Variants in GRAMD4 observed in about 807,000 individuals in gnomAD.
GRAMD4 encodes GRAM domain-containing protein 4.
GRAMD4 carries 25 observed loss-of-function variants against 83.9 expected under a neutral mutation model. That is an observed-to-expected ratio of 0.30 (90% CI 0.22 to 0.42). GRAMD4 has a LOEUF of 0.42. GRAMD4 is among the 10% of genes least tolerant of loss of function. The pLI is 1.00. For synonymous variants in GRAMD4, 336 were observed against 320.9 expected, an observed-to-expected ratio of 1.05 and a Z score of -0.50; for missense variants, 593 against 788.7, an observed-to-expected ratio of 0.75 and a Z score of 2.97.
chr22:46,615,421 C>T (rs2081467929), upstream of GRAMD4, among the ~76,000 whole-genome samples: 1 of 118,394 alleles, frequency 8.4e-6, no homozygotes, highest in African/African-American at 3.4e-5. Flanking sequence ...TTGTGGGTTC[C>T]CCCATGTGTA....
chr22:46,620,356 C>T, upstream of GRAMD4: 1 of 985,596 alleles, frequency 1.0e-6, no homozygotes, highest in South Asian at 4.7e-5. This position sits in a 1 kb window ranked among gnomAD's most constrained non-coding sequence, Gnocchi z 4.7. Flanking sequence ...ACCTGGACAG[C>T]CGTGGTGAGC....
chr22:46,636,644 A>T (rs902895506), intron 2 of GRAMD4, among the ~76,000 whole-genome samples: 39 of 152,320 alleles, frequency 2.6e-4, no homozygotes, highest in African/African-American at 7.7e-4. Flanking sequence ...CAGCTGGAGA[A>T]ATCGGGTCGC....
intron 10 of GRAMD4, 121 bp downstream of exon 10, chr22:46,666,994 C>T (rs1387855588): frequency 4.0e-5 from 27 of 672,672 alleles, no homozygotes; most frequent in Non-Finnish European, 7.2e-6. Context: ...CCCTGGAGTC[C>T]TGGCCTGGCC....
At chr22:46,663,978 C>A in intron 7 of GRAMD4, 48 bp from the exon 8 acceptor site, 1 of 1,567,212 alleles carries the variant, frequency 6.4e-7, no homozygotes, top group Non-Finnish European at 8.8e-7. Flanking sequence ...CGTGGTTAAG[C>A]GGCCTCCTAC....
At chr22:46,613,450 A>T (rs1291322142) in intron 1 of GRAMD4, among the ~76,000 whole-genome samples, 1 of 152,236 alleles carries the variant, frequency 6.6e-6, no homozygotes, top group African/African-American at 2.4e-5. Context: ...GAGGGCCAGG[A>T]TGCAACCCCT....
At chr22:46,671,773 G>A (rs2082510249) in intron 13 of GRAMD4, among the ~76,000 whole-genome samples, 1 of 152,164 alleles carries the variant, frequency 6.6e-6, no homozygotes, top group African/African-American at 2.4e-5. Context: ...CCGGGAGGTT[G>A]CAGTGAGCTG....
At chr22:46,636,974 G>A (rs1341939070) in intron 2 of GRAMD4, among the ~76,000 whole-genome samples, 2 of 152,230 alleles carry the variant, frequency 1.3e-5, no homozygotes, top group Non-Finnish European at 2.9e-5. Context: ...CACTGGGGCT[G>A]TGAGCCGCGG....
At chr22:46,656,793 C>T (rs759153287) in intron 3 of GRAMD4, among the ~76,000 whole-genome samples, 14 of 152,222 alleles carry the variant, frequency 9.2e-5, no homozygotes, top group African/African-American at 2.7e-4. Flanking sequence ...CTCCAGCAAA[C>T]GCTCTTCTCC....
chr22:46,655,948 G>A (rs1046867194), intron 3 of GRAMD4, among the ~76,000 whole-genome samples: 22 of 152,170 alleles, frequency 1.4e-4, no homozygotes, highest in Non-Finnish European at 2.9e-4. Flanking sequence ...GCCGTGCCAG[G>A]GCCAGACGCT....
intron 9 of GRAMD4, among the ~76,000 whole-genome samples, chr22:46,666,553 T>G (rs976594670): frequency 6.6e-6 from 1 of 152,222 alleles, no homozygotes; most frequent in Non-Finnish European, 1.5e-5. Flanking sequence ...CTTTGGATGT[T>G]GAAGGGCCGC....
At chr22:46,660,188 C>T (rs1160170830) in intron 4 of GRAMD4, among the ~76,000 whole-genome samples, 6 of 152,330 alleles carry the variant, frequency 3.9e-5, no homozygotes, top group South Asian at 4.1e-4. Context: ...AGCCCCATCT[C>T]GCACAGTCTC....
rs1036224612 is a variant in GRAMD4 at position 46,677,569 on chromosome 22, G to A, written c.*318G>A. ...AGGACCCCTGGCCCTGCCCTTCTCCGTTCCAGCCTGGACAGAGAAACCTCT... is the reference window on the plus strand; with the variant it reads ...AGGACCCCTGGCCCTGCCCTTCTCCATTCCAGCCTGGACAGAGAAACCTCT... On this transcript the variant is annotated 3_prime_UTR_variant, in exon 19 of 19. Transcript: ENST00000406902. The A allele has an allele frequency of 8.1e-6, 9 of 1,111,386 alleles. No individual in the cohort carries two copies. Among genetic ancestry groups the A allele is most frequent in the East Asian group, 5.3e-5 (1 of 18,862 alleles). 68.8% of individuals were successfully genotyped at this position (1,111,386 alleles called of 1,614,324 possible).
At chr22:46,654,496 C>T (rs2082213915) in intron 3 of GRAMD4, among the ~76,000 whole-genome samples, 1 of 152,204 alleles carries the variant, frequency 6.6e-6, no homozygotes, top group South Asian at 2.1e-4. Context: ...AGCCGGCCCT[C>T]AAGTGGCTCC....
At chr22:46,605,217 G>C (rs975128664) in intron 1 of GRAMD4, among the ~76,000 whole-genome samples, 1 of 151,938 alleles carries the variant, frequency 6.6e-6, no homozygotes, top group African/African-American at 2.4e-5. Flanking sequence ...TGTCCTCTGG[G>C]TTCACCCAGG....
In GRAMD4 at chr22:46,581,480, T is replaced by C. The variant is rs865841363; in HGVS notation, c.-50+4190T>C. On this transcript the variant is annotated intron_variant, in intron 1 of 1. Coordinates refer to the GRAMD4 transcript ENST00000431155. Reference sequence around the variant, plus strand: ...CCCCCAAGGCTATGCTCATAAACATTGCAGCCTTTCTGCCTTCCTGATAAC... The same window carrying C: ...CCCCCAAGGCTATGCTCATAAACATCGCAGCCTTTCTGCCTTCCTGATAAC... 5.6e-4 allele frequency among the ~76,000 whole-genome samples: 85 copies of C among 152,376 alleles called. 1 individual carries two copies. Among genetic ancestry groups the C allele is most frequent in the African/African-American group, 2.0e-3 (82 of 41,592 alleles).
At chr22:46,640,786 G>C (rs376602152) in intron 3 of GRAMD4, among the ~76,000 whole-genome samples, 4 of 152,022 alleles carry the variant, frequency 2.6e-5, no homozygotes, top group African/African-American at 9.7e-5. Flanking sequence ...AGGCTTCCCC[G>C]ACACGCCCTC....
intron 1 of GRAMD4, among the ~76,000 whole-genome samples, chr22:46,582,766 A>G (rs1261542147): frequency 1.3e-5 from 2 of 152,200 alleles, no homozygotes; most frequent in African/African-American, 4.8e-5. Context: ...CACACATCAT[A>G]CAACACACTC....
In GRAMD4 at chr22:46,675,561, A is replaced by G. The variant is rs775989750; in HGVS notation, c.1563+9A>G. 29 of 1,571,600 alleles carry G rather than the reference A, an allele frequency of 1.8e-5. No homozygotes were observed. In the East Asian group the frequency reaches 5.8e-4, roughly 32 times the overall value. On this transcript the variant is annotated intron_variant, in intron 17 of 18. Transcript: ENST00000406902. ...TCACGGACATCCAGAAGGTTGGTGCACCTACCCACCCCCACTAACCCCCGT... is the reference window on the plus strand; with the variant it reads ...TCACGGACATCCAGAAGGTTGGTGCGCCTACCCACCCCCACTAACCCCCGT...
At chr22:46,603,102 G>A (rs997926455) in intron 1 of GRAMD4, among the ~76,000 whole-genome samples, 7 of 151,594 alleles carry the variant, frequency 4.6e-5, no homozygotes, top group African/African-American at 1.7e-4. Flanking sequence ...TTTGTGGTGT[G>A]TGTTGAAATT....
Sources: gnomAD v4.1 joint callset for allele counts (sites outside exome capture counted in the v4.1 genomes callset) on GRCh38, gnomAD v4.1.1 for gene constraint, Gnocchi (gnomAD v3.1) non-coding constraint, MANE v1.5 for transcripts, NCBI Gene and HGNC (gene_info 2026-07-23, HGNC 2026-07-21) for gene names.